The following SH3PXD2B variants were observed in gnomAD, a reference collection of about 807,000 sequenced individuals.
SH3PXD2B encodes SH3 and PX domains 2B, also known as SH3 and PX domain-containing protein 2B.
SH3PXD2B carries 37 observed loss-of-function variants against 73.1 expected under a neutral mutation model. The observed-to-expected ratio is 0.51, with a 90% CI of 0.39 to 0.67. The LOEUF is 0.67. Ranked by LOEUF, SH3PXD2B falls within the 30% of genes least tolerant of loss-of-function variation. The pLI, the probability that SH3PXD2B is intolerant of heterozygous loss-of-function variation, is 0.00. For synonymous variants in SH3PXD2B, 457 were observed against 480.5 expected (o/e 0.95, Z 0.64); for missense variants, 1,053 against 1,197.8 (o/e 0.88, Z 1.78).
At chr5:172,325,319 C>T (rs1395651445) in exon 13 of SH3PXD2B, 32 of 1,535,330 alleles carry the variant, frequency 2.1e-5, no homozygotes, top group Middle Eastern at 1.7e-4. Flanking sequence ...AAGTGCTGTC[C>T]GCATCTTGAT....
At chr5:172,429,279 C>G (rs1290899800) in intron 1 of SH3PXD2B, among the ~76,000 whole-genome samples, 1 of 152,198 alleles carries the variant, frequency 6.6e-6, no homozygotes, top group Non-Finnish European at 1.5e-5. Flanking sequence ...CTTTTCCTCT[C>G]TGTCCCCTGT....
intron 1 of SH3PXD2B, among the ~76,000 whole-genome samples, chr5:172,452,657 G>A (rs1037029870): frequency 1.2e-4 from 18 of 152,164 alleles, no homozygotes; most frequent in African/African-American, 4.1e-4. Context: ...GCCGGGCCTC[G>A]GTGGCAGTAT....
chr5:172,449,014 A>C (rs1204245775), intron 1 of SH3PXD2B, among the ~76,000 whole-genome samples: 5 of 152,188 alleles, frequency 3.3e-5, no homozygotes, highest in Non-Finnish European at 7.4e-5. Context: ...AATGCCAGTA[A>C]TGCCTACTAA....
intron 12 of SH3PXD2B, among the ~76,000 whole-genome samples, chr5:172,325,759 G>T (rs1266590086): frequency 6.6e-6 from 1 of 151,280 alleles, no homozygotes; most frequent in Admixed American, 6.6e-5. Context: ...GGCCCTGCCT[G>T]GTTTTTTGTT....
chr5:172,439,686 G>GCA lies in SH3PXD2B; in HGVS notation c.75+14591_75+14592insTG, dbSNP rs1470521440. 9.2e-3 allele frequency among the ~76,000 whole-genome samples: 803 copies of GCA among 87,056 alleles called. 5 individuals carry two copies. Among genetic ancestry groups the GCA allele is most frequent in the Non-Finnish European group, 0.014 (587 of 42,610 alleles). The allele number at this position is 87,056 out of a possible 152,430, so 57.1% of individuals were successfully genotyped here. The stretch of plus-strand genomic sequence containing the variant: ...TATGTGTGTGCGTGCGTGCGCGCAC[G>GCA]CGCGCGCACACACACACACACACAC... On this transcript the variant is annotated intron_variant, in intron 1 of 12. Transcript: ENST00000311601.
At position 172,398,803 on chromosome 5, in the gene SH3PXD2B, C is replaced by T. The variant is rs189820942; in HGVS notation, c.233-4164G>A. 2.7e-3 allele frequency among the ~76,000 whole-genome samples: 407 copies of T among 152,298 alleles called. 2 individuals are homozygous for T. The highest frequency in any genetic ancestry group is 3.7e-3 in the African/African-American group (152 of 41,566). On this transcript the variant is annotated intron_variant, in intron 3 of 12. Transcript: ENST00000311601. ...TACACCATGGGGAGATTCCAATCTC[C>T]GCAGTCCCAGGACTGACCCCTGAGG...
chr5:172,373,540 A>G (rs1757753212), intron 6 of SH3PXD2B, among the ~76,000 whole-genome samples: 1 of 152,108 alleles, frequency 6.6e-6, no homozygotes, highest in South Asian at 2.1e-4. Context: ...CTCAAATACT[A>G]TTTTTGGGAA....
rs1554140037 is a variant in SH3PXD2B, at chr5:172,408,149, GT to G, written c.157-1798del. ...AAGTCTTTAAACTTTTAAACTGTGG[GT>G]TTTTTTTTTTCCTTCTCTCTTTTTT... On this transcript the variant is annotated intron_variant, in intron 2 of 12. Transcript: ENST00000311601. 8.6e-4 allele frequency among the ~76,000 whole-genome samples: 127 copies of G among 147,826 alleles called. No individual in the cohort carries two copies. In the Middle Eastern group the frequency reaches 0.017, roughly 20 times the overall value.
chr5:172,339,969 T>C lies in SH3PXD2B; in HGVS notation c.1189-53A>G. On this transcript the variant is annotated intron_variant, in intron 12 of 12. Transcript: ENST00000311601. The surrounding 1 kb of genome is among the most constrained non-coding windows in gnomAD (Gnocchi z 6.1). ...TGGCTACGATGCCAGGGCCAGCAGA[T>C]GGAATGGTTTGGCAGAACCCATGTG... 3 of 1,606,920 alleles carry C rather than the reference T, an allele frequency of 1.9e-6. No homozygotes were observed. The highest frequency in any genetic ancestry group is 2.2e-5 in the South Asian group (2 of 89,820).
intron 8 of SH3PXD2B, among the ~76,000 whole-genome samples, chr5:172,357,112 C>T (rs1422545157): frequency 1.6e-5 from 2 of 125,960 alleles, no homozygotes; most frequent in African/African-American, 3.0e-5. Flanking sequence ...GAGTGAGACC[C>T]CATCTCAAAA....
chr5:172,390,010 G>T (rs886880303), intron 4 of SH3PXD2B, among the ~76,000 whole-genome samples: 1 of 152,120 alleles, frequency 6.6e-6, no homozygotes, highest in Non-Finnish European at 1.5e-5. Flanking sequence ...GAGCCACTGC[G>T]CCTGGACTAA....
chr5:172,340,904 T>C (rs10051911), intron 12 of SH3PXD2B, among the ~76,000 whole-genome samples: 7,696 of 152,192 alleles, frequency 0.051, 602 homozygotes, highest in African/African-American at 0.17. Context: ...CTGAAAAATA[T>C]CTATCTTTGA....
chr5:172,351,235 T>C (rs1757153883), intron 9 of SH3PXD2B, among the ~76,000 whole-genome samples: 2 of 152,190 alleles, frequency 1.3e-5, no homozygotes, highest in African/African-American at 2.4e-5. Flanking sequence ...GCTCAAGCGA[T>C]TCTCCCAACT....
chr5:172,405,310 G>A (rs768384524), intron 3 of SH3PXD2B, among the ~76,000 whole-genome samples: 1 of 152,198 alleles, frequency 6.6e-6, no homozygotes, highest in African/African-American at 2.4e-5. Flanking sequence ...TATATGTGAC[G>A]AGCTATTATA....
chr5:172,427,975 A>C (rs1759139771), intron 1 of SH3PXD2B, among the ~76,000 whole-genome samples: 2 of 151,870 alleles, frequency 1.3e-5, no homozygotes, highest in Non-Finnish European at 2.9e-5. Context: ...ACGGGGTTTC[A>C]CTATCTTGGC....
chr5:172,452,391 A>G (rs1290676138), intron 1 of SH3PXD2B, among the ~76,000 whole-genome samples: 3 of 152,226 alleles, frequency 2.0e-5, no homozygotes, highest in Non-Finnish European at 4.4e-5. Context: ...TTCACTAATG[A>G]TAAGAGAGAT....
intron 1 of SH3PXD2B, among the ~76,000 whole-genome samples, chr5:172,451,920 C>G (rs550310569): frequency 6.6e-6 from 1 of 152,344 alleles, no homozygotes; most frequent in Non-Finnish European, 1.5e-5. Context: ...CCCTCCTCAT[C>G]TGATGAACCC....
At chr5:172,359,492 CA>C (rs1182134651) in intron 7 of SH3PXD2B, among the ~76,000 whole-genome samples, 1 of 151,900 alleles carries the variant, frequency 6.6e-6, no homozygotes, top group African/African-American at 2.4e-5. Context: ...ATTATCATCC[CA>C]ACTGCACACA....
chr5:172,431,243 G>T (rs545350045), intron 1 of SH3PXD2B, among the ~76,000 whole-genome samples: 2 of 152,340 alleles, frequency 1.3e-5, no homozygotes, highest in African/African-American at 2.4e-5. Flanking sequence ...TCCAAGCCCG[G>T]CCAATCAGGT....
Sources: allele counts gnomAD v4.1 joint callset (sites outside exome capture counted in the v4.1 genomes callset), GRCh38; gene constraint gnomAD v4.1.1; non-coding constraint Gnocchi (gnomAD v3.1); transcripts MANE v1.5; gene names NCBI Gene and HGNC (gene_info 2026-07-23, HGNC 2026-07-21).